The following STOM variants were observed in gnomAD, a reference collection of about 807,000 sequenced individuals.
STOM encodes stomatin.
Under a neutral mutation model 30.6 loss-of-function variants are expected in STOM, and 25 were observed. That is an observed-to-expected ratio of 0.82 (90% CI 0.60 to 1.14). The LOEUF is 1.14. Among genes scored for constraint, STOM ranks in the 50% most tolerant of loss-of-function variants. The pLI is 0.00. For synonymous variants in STOM, 118 were observed against 130.8 expected, an observed-to-expected ratio of 0.90 and a Z score of 0.67; for missense variants, 292 against 365.2, an observed-to-expected ratio of 0.80 and a Z score of 1.63.
chr9:121,348,710 C>G (rs1242285701), intron 5 of STOM, among the ~76,000 whole-genome samples: 1 of 152,164 alleles, frequency 6.6e-6, no homozygotes, highest in Non-Finnish European at 1.5e-5. Context: ...AGTTATAGCA[C>G]TTTATCTTTT....
chr9:121,340,019 T>C lies in STOM; in HGVS notation c.*1183A>G. ...TATAATGGTTTCCTGAAGTTATCTCTTAAAAAAGTATTTTAGTCCTTCAGC... is the reference window on the plus strand; with the variant it reads ...TATAATGGTTTCCTGAAGTTATCTCCTAAAAAAGTATTTTAGTCCTTCAGC... On this transcript the variant is annotated 3_prime_UTR_variant, in exon 7 of 7. Transcript: ENST00000286713. The C allele has an allele frequency of 1.0e-6, 1 of 985,822 alleles. No homozygotes were observed. The highest frequency in any genetic ancestry group is 1.2e-6 in the Non-Finnish European group (1 of 829,376). The allele number at this position is 985,822 out of a possible 1,614,324, so 61.1% of individuals were successfully genotyped here. A position where few individuals can be genotyped will look rare whatever the true frequency, so the allele number is the denominator to read the frequency against.
intron 1 of STOM, among the ~76,000 whole-genome samples, chr9:121,365,628 T>C (rs1233212959): frequency 1.3e-5 from 2 of 152,136 alleles, no homozygotes; most frequent in East Asian, 3.9e-4. Flanking sequence ...AGTTCTCAGT[T>C]CTTCACTGTG....
rs966836844 is a variant in STOM, at chr9:121,370,244, G to A, written c.-57C>T. 1.3e-6 allele frequency: 2 copies of A among 1,521,090 alleles called. No individual in the cohort carries two copies. The highest frequency in any genetic ancestry group is 2.0e-5 in the Admixed American group (1 of 50,334). 94.2% of individuals were successfully genotyped at this position (1,521,090 alleles called of 1,614,324 possible). A position where few individuals can be genotyped will look rare whatever the true frequency, so the allele number is the denominator to read the frequency against. On this transcript the variant is annotated 5_prime_UTR_variant, in exon 1 of 7. Transcript: ENST00000286713. ...CTCGTTGCCAAACCCGGAGCCGCCG[G>A]GAATGCCCTGAGGAGCCAGAGGCAC...
At chr9:121,341,501 C>T in intron 6 of STOM, 93 bp from the exon 7 acceptor site, 1 of 1,533,820 alleles carries the variant, frequency 6.5e-7, no homozygotes, top group Non-Finnish European at 8.9e-7. Context: ...CTCAGGTGGT[C>T]CACAAAACTT....
At chr9:121,363,787 G>A (rs573830742) in intron 1 of STOM, among the ~76,000 whole-genome samples, 1 of 152,182 alleles carries the variant, frequency 6.6e-6, no homozygotes, top group Non-Finnish European at 1.5e-5. Flanking sequence ...AGGAAGACTT[G>A]CATAAATTAA....
intron 6 of STOM, among the ~76,000 whole-genome samples, chr9:121,345,178 T>C (rs2064278413): frequency 6.6e-6 from 1 of 152,210 alleles, no homozygotes; most frequent in Non-Finnish European, 1.5e-5. Flanking sequence ...TTCTGTTAGA[T>C]TCATACTTAG....
intron 4 of STOM, among the ~76,000 whole-genome samples, chr9:121,350,810 T>C (rs1476038964): frequency 6.6e-6 from 1 of 152,226 alleles, no homozygotes; most frequent in African/African-American, 2.4e-5. Context: ...AACATGGCTG[T>C]TTAGCCCTGC....
At chr9:121,341,521 T>C in intron 6 of STOM, 113 bp from the exon 7 acceptor site, 1 of 1,338,136 alleles carries the variant, frequency 7.5e-7, no homozygotes, top group Non-Finnish European at 1.0e-6. Context: ...TTCTAGGGCG[T>C]ATGCCAGAGT....
intron 6 of STOM, among the ~76,000 whole-genome samples, chr9:121,342,090 C>T (rs1436879155): frequency 6.6e-6 from 1 of 152,168 alleles, no homozygotes; most frequent in Non-Finnish European, 1.5e-5. Context: ...ACTTCTGGTA[C>T]TGGGTGCAGT....
At chr9:121,351,455 G>A (rs147398267) in intron 4 of STOM, among the ~76,000 whole-genome samples, 2 of 152,368 alleles carry the variant, frequency 1.3e-5, no homozygotes, top group East Asian at 3.9e-4. Flanking sequence ...TTTGTGACAT[G>A]AGAAGGCAAC....
chr9:121,347,876 T>A, intron 6 of STOM, 139 bp downstream of exon 6: 1 of 1,068,190 alleles, frequency 9.4e-7, no homozygotes, highest in South Asian at 1.8e-5. Flanking sequence ...GATTTGAAGT[T>A]ACGGGGAGGG....
intron 5 of STOM, 125 bp downstream of exon 5, chr9:121,348,995 T>C (rs2064314268): frequency 8.8e-7 from 1 of 1,130,946 alleles, no homozygotes; most frequent in Non-Finnish European, 1.2e-6. Context: ...AAAATTTTAC[T>C]ATGAAGAAAA....
At chr9:121,360,417 A>T (rs187399275) in intron 1 of STOM, among the ~76,000 whole-genome samples, 253 of 152,214 alleles carry the variant, frequency 1.7e-3, no homozygotes, top group African/African-American at 5.7e-3. Flanking sequence ...ACGAGGAGTA[A>T]CTATGTTTGA....
intron 5 of STOM, 31 bp downstream of exon 5, chr9:121,349,089 T>TG (rs1357894108): frequency 1.2e-5 from 20 of 1,607,156 alleles, no homozygotes; most frequent in Non-Finnish European, 1.6e-5. Flanking sequence ...TTTCAGCTTC[T>TG]GGGGGGTAAC....
intron 5 of STOM, among the ~76,000 whole-genome samples, chr9:121,348,550 T>C (rs1454295282): frequency 3.3e-5 from 5 of 152,250 alleles, no homozygotes; most frequent in African/African-American, 1.2e-4. Flanking sequence ...TGTGACTCTG[T>C]GTAAGTCATA....
At chr9:121,358,395 T>C in intron 1 of STOM, among the ~76,000 whole-genome samples, 1 of 151,980 alleles carries the variant, frequency 6.6e-6, no homozygotes, top group South Asian at 2.1e-4. Flanking sequence ...GCCTGGGGGT[T>C]CGTGGCTGCA....
intron 5 of STOM, among the ~76,000 whole-genome samples, chr9:121,348,914 A>C (rs2064313587): frequency 6.6e-6 from 1 of 152,230 alleles, no homozygotes; most frequent in Non-Finnish European, 1.5e-5. Flanking sequence ...AAATTTTAAA[A>C]AAATGTACGC....
At chr9:121,360,260 T>C (rs1369049720) in intron 1 of STOM, among the ~76,000 whole-genome samples, 2 of 152,250 alleles carry the variant, frequency 1.3e-5, no homozygotes, top group South Asian at 2.1e-4. Flanking sequence ...AATTATCTTA[T>C]GGCACTTATA....
intron 1 of STOM, among the ~76,000 whole-genome samples, chr9:121,360,362 T>C (rs992358869): frequency 3.9e-5 from 6 of 152,326 alleles, no homozygotes; most frequent in Middle Eastern, 6.8e-3. Flanking sequence ...AATATTTTAA[T>C]TTCTTGTGCA....
Sources: allele counts gnomAD v4.1 joint callset (sites outside exome capture counted in the v4.1 genomes callset), GRCh38; gene constraint gnomAD v4.1.1; transcripts MANE v1.5; gene names NCBI Gene and HGNC (gene_info 2026-07-23, HGNC 2026-07-21).